CFAP52: variants seen among roughly 807,000 people sequenced by gnomAD.
CFAP52 encodes cilia- and flagella-associated protein 52.
In CFAP52, 57 loss-of-function variants were observed where a neutral mutation model predicts 70.5. That is an observed-to-expected ratio of 0.81 (90% confidence interval 0.65 to 1.01). The LOEUF is 1.01. CFAP52 is among the 50% of genes least tolerant of loss of function. The pLI is 0.00. For missense variants in CFAP52, 785 were observed against 788.5 expected, an observed-to-expected ratio of 1.00 and a Z score of 0.05; for synonymous variants, 267 against 292.5, an observed-to-expected ratio of 0.91 and a Z score of 0.89.
chr17:9,599,925 G>A, intron 5 of CFAP52, 142 bp from the exon 6 acceptor site: 1 of 616,898 alleles, frequency 1.6e-6, no homozygotes, highest in Non-Finnish European at 2.9e-6. Flanking sequence ...ATTTTCAGTA[G>A]AGACAGGGTT....
intron 1 of CFAP52, 65 bp from the exon 2 acceptor site, chr17:9,585,708 T>G: frequency 6.6e-7 from 1 of 1,506,048 alleles, no homozygotes; most frequent in Non-Finnish European, 9.2e-7. Flanking sequence ...TGTTTTGTAC[T>G]CAAGTAGAAA....
In CFAP52 at chr17:9,641,752, C is replaced by T. The variant is rs1717849962; in HGVS notation, c.1604C>T (p.Thr535Ile). Residue 535 changes from threonine to isoleucine, a missense_variant, in exon 13 of 14, where the codon ACA (threonine) becomes ATA (isoleucine). Transcript: ENST00000352665. ...GCTTACTGGGAAGTATTTGATGGGA[C>T]AGTAATCAGAGAATTGGAAGGTTCC... ...KIAYWEVFDG[T>I]VIRELEGSLS... The T allele has an allele frequency of 6.2e-7, 1 of 1,613,736 alleles. No individual in the cohort carries two copies.
chr17:9,594,546 C>T, intron 4 of CFAP52: 1 of 405,232 alleles, frequency 2.5e-6, no homozygotes, highest in East Asian at 5.5e-5. Context: ...TTTTGCTTAC[C>T]TGCTTAACTG....
At chr17:9,626,542 C>T (rs1054402370) in intron 8 of CFAP52, among the ~76,000 whole-genome samples, 6 of 152,250 alleles carry the variant, frequency 3.9e-5, no homozygotes, top group African/African-American at 7.2e-5. Flanking sequence ...GAAAGTTCTT[C>T]GGGGGCATTG....
At chr17:9,611,243 T>A (rs1311339864) in intron 7 of CFAP52, among the ~76,000 whole-genome samples, 1 of 82,858 alleles carries the variant, frequency 1.2e-5, no homozygotes, top group Non-Finnish European at 3.4e-5. Flanking sequence ...TTCATGTATA[T>A]ACTTTTTTTT....
At chr17:9,644,899 G>C (rs1291056840), downstream of CFAP52, 2 of 152,178 alleles carry the variant, frequency 1.3e-5, no homozygotes, top group Non-Finnish European at 2.9e-5. Flanking sequence ...ATCAAGTCTT[G>C]CAAGTTTTTG....
At chr17:9,600,275 T>G (rs1454017941) in intron 6 of CFAP52, 92 bp downstream of exon 6, 2 of 1,061,928 alleles carry the variant, frequency 1.9e-6, no homozygotes, top group Non-Finnish European at 1.4e-6. Context: ...GCAGTCTTGT[T>G]CTGTCACTCA....
intron 12 of CFAP52, 139 bp downstream of exon 12, chr17:9,638,850 G>A: frequency 2.7e-6 from 2 of 752,492 alleles, no homozygotes; most frequent in South Asian, 1.7e-5. Context: ...ATGCCACTTT[G>A]GAAAGGCCAT....
At chr17:9,597,252 G>C (rs181432818) in intron 4 of CFAP52, among the ~76,000 whole-genome samples, 1 of 152,018 alleles carries the variant, frequency 6.6e-6, no homozygotes, top group African/African-American at 2.4e-5. Context: ...TTCCCATTGC[G>C]TACATATACC....
intron 4 of CFAP52, 91 bp from the exon 5 acceptor site, chr17:9,598,143 T>A (rs1909101212): frequency 2.0e-6 from 2 of 1,008,060 alleles, no homozygotes; most frequent in African/African-American, 3.2e-5. Flanking sequence ...CTCAAAAATG[T>A]TTAGATCTCT....
At chr17:9,611,180 T>C (rs1055022176) in intron 7 of CFAP52, among the ~76,000 whole-genome samples, 4 of 152,196 alleles carry the variant, frequency 2.6e-5, no homozygotes, top group Non-Finnish European at 5.9e-5. Context: ...CGTTGAATTC[T>C]TCATTGTCTA....
At chr17:9,603,514 T>A (rs746183243) in intron 6 of CFAP52, among the ~76,000 whole-genome samples, 1 of 152,124 alleles carries the variant, frequency 6.6e-6, no homozygotes, top group African/African-American at 2.4e-5. Flanking sequence ...CGGCCCTAAG[T>A]AGATATTTCA....
rs79115297 is a variant in CFAP52 at position 9,635,039 on chromosome 17, C to T, written c.1321-366C>T. On this transcript the variant is annotated intron_variant, in intron 10 of 13. Coordinates refer to ENST00000352665, the MANE Select transcript of CFAP52 (RefSeq NM_145054.5). Reference sequence around the variant, plus strand: ...TCTGGGTACTCACGAACTTTCCTGACAGTACCAGAAATTTGAGAGCAGTGA... The same window carrying T: ...TCTGGGTACTCACGAACTTTCCTGATAGTACCAGAAATTTGAGAGCAGTGA... Among the ~76,000 whole-genome samples, 3 of 152,118 alleles carry T rather than the reference C, an allele frequency of 2.0e-5. No homozygotes were observed. The East Asian group carries it at 5.8e-4, about 29-fold the overall frequency.
At chr17:9,628,459 T>C (rs1007350506) in intron 8 of CFAP52, among the ~76,000 whole-genome samples, 2 of 151,962 alleles carry the variant, frequency 1.3e-5, no homozygotes, top group Non-Finnish European at 2.9e-5. Flanking sequence ...TTTGTATTTT[T>C]AGTAGAAACG....
chr17:9,642,131 A>C (rs1911093337), intron 13 of CFAP52, among the ~76,000 whole-genome samples: 1 of 152,206 alleles, frequency 6.6e-6, no homozygotes. Flanking sequence ...GGGGCCTTTA[A>C]ATGGCCTGGG....
At chr17:9,592,716 G>C (rs1908819170) in intron 3 of CFAP52, among the ~76,000 whole-genome samples, 1 of 152,118 alleles carries the variant, frequency 6.6e-6, no homozygotes, top group Admixed American at 6.5e-5. Context: ...TCATCAAATA[G>C]TATTCCATTG....
Position 9,643,121 on chromosome 17 carries a change from A to G in CFAP52, c.1786A>G (p.Ser596Gly), listed in dbSNP as rs1911160662. ...HSGNITRIRI[S>G]PGNQYIVSVS... is the part of the protein sequence containing the mutation. ...TGGCAACATCACACGCATCCGCATA[A>G]GTCCAGGAAATCAATATATTGTTAG... is the stretch of plus-strand genomic sequence containing the variant. Residue 596 changes from serine (S) to glycine (G), a missense_variant, in exon 14 of 14, where the codon AGT becomes GGT. By Grantham distance (56) the Ser-to-Gly change is moderately conservative. Coordinates refer to ENST00000352665, the MANE Select transcript of CFAP52 (RefSeq NM_145054.5). The G allele has an allele frequency of 6.2e-7, 1 of 1,613,864 alleles. No homozygotes were observed. Among genetic ancestry groups the G allele is most frequent in the South Asian group, 1.1e-5 (1 of 90,946 alleles).
At chr17:9,597,304 T>G (rs1201954717) in intron 4 of CFAP52, among the ~76,000 whole-genome samples, 2 of 152,228 alleles carry the variant, frequency 1.3e-5, no homozygotes, top group South Asian at 2.1e-4. Flanking sequence ...ACACAGGTTA[T>G]GTACATCATG....
At chr17:9,624,494 G>T (rs1307170391) in intron 8 of CFAP52, among the ~76,000 whole-genome samples, 1 of 151,896 alleles carries the variant, frequency 6.6e-6, no homozygotes, top group Non-Finnish European at 1.5e-5. Context: ...ACCTATAGAA[G>T]AATATATAAT....
Sources: gnomAD v4.1 joint callset for allele counts (sites outside exome capture counted in the v4.1 genomes callset) on GRCh38, gnomAD v4.1.1 for gene constraint, MANE v1.5 for transcripts, NCBI Gene and HGNC (gene_info 2026-07-23, HGNC 2026-07-21) for gene names.